The following KPNA7 variants were observed in gnomAD, a reference collection of about 807,000 sequenced individuals.
The protein encoded by KPNA7 is importin subunit alpha-8.
Under a neutral mutation model 53.7 loss-of-function variants are expected in KPNA7, and 54 were observed. The ratio of observed to expected loss-of-function variants is 1.01; its 90% CI spans 0.81 to 1.26. The LOEUF (loss-of-function observed/expected upper bound fraction) is 1.26, where lower values mean the gene tolerates loss of function less well. Ranked by LOEUF, KPNA7 falls within the 50% of genes most tolerant of loss-of-function variation. KPNA7 has a pLI of 0.00. For missense variants in KPNA7, 640 were observed against 644.5 expected (o/e 0.99, Z 0.07); for synonymous variants, 276 against 259.3 (o/e 1.06, Z -0.62).
the KPNA7 span, among the ~76,000 whole-genome samples, chr7:99,152,597 A>G: frequency 6.6e-6 from 1 of 152,188 alleles, no homozygotes; most frequent in Non-Finnish European, 1.5e-5. Context: ...AACAGTGGTT[A>G]ATTCAGGAAC....
chr7:99,210,120 T>C (rs1791023305), upstream of KPNA7, among the ~76,000 whole-genome samples: 1 of 152,204 alleles, frequency 6.6e-6, no homozygotes, highest in African/African-American at 2.4e-5. Context: ...CTTTCTGCAC[T>C]GGCCCCAGCC....
chr7:99,219,374 G>A (rs1364015133), intron 1 of KPNA7, among the ~76,000 whole-genome samples: 1 of 152,180 alleles, frequency 6.6e-6, no homozygotes, highest in Non-Finnish European at 1.5e-5. Context: ...AACTTGCACA[G>A]AAGGCTTAAA....
At chr7:99,211,094 G>A (rs77711452), upstream of KPNA7, among the ~76,000 whole-genome samples, 1 of 152,164 alleles carries the variant, frequency 6.6e-6, no homozygotes, top group Admixed American at 6.6e-5. Context: ...TTTGAAAGGG[G>A]CAGTGCAGAC....
intron 2 of KPNA7, 55 bp downstream of exon 2, chr7:99,207,346 T>G: frequency 6.7e-7 from 1 of 1,490,384 alleles, no homozygotes; most frequent in Non-Finnish European, 9.2e-7. Flanking sequence ...TCACCCCGCT[T>G]TTTATGCAGA....
chr7:99,186,919 G>A (rs73147655), intron 7 of KPNA7, among the ~76,000 whole-genome samples: 6,572 of 152,174 alleles, frequency 0.043, 174 homozygotes, highest in Middle Eastern at 0.061. Flanking sequence ...TAAAGAGCAG[G>A]CAGCATAGAG....
At chr7:99,199,885 A>G (rs1790421751) in intron 3 of KPNA7, among the ~76,000 whole-genome samples, 1 of 152,166 alleles carries the variant, frequency 6.6e-6, no homozygotes, top group South Asian at 2.1e-4. Flanking sequence ...TCAATAAAAA[A>G]TAATTTATTT....
At chr7:99,213,130 ATTTT>A (rs71108433) in intron 1 of KPNA7, among the ~76,000 whole-genome samples, 1 of 141,096 alleles carries the variant, frequency 7.1e-6, no homozygotes, top group Admixed American at 7.2e-5. Context: ...GCCAAAAGGG[ATTTT>A]TTTTTTTTTT....
chr7:99,183,246 C>T (rs182509163), intron 8 of KPNA7, among the ~76,000 whole-genome samples: 3 of 150,462 alleles, frequency 2.0e-5, no homozygotes, highest in African/African-American at 4.9e-5. Context: ...AGCGAGACTC[C>T]ATCTCCAATA....
At position 99,201,058 on chromosome 7, in the gene KPNA7, C is replaced by A. The variant is rs369891825; in HGVS notation, c.201+2048G>T. ...AGGAATGAAGTATTGATATATGCTA[C>A]AACATGGATGAACTTTGAAAACATA... On this transcript the variant is annotated intron_variant, in intron 3 of 10. Transcript: ENST00000327442. Among the ~76,000 whole-genome samples the A allele has an allele frequency of 7.0e-4, 106 of 152,318 alleles. 1 individual carries two copies. The highest frequency in any genetic ancestry group is 2.4e-3 in the African/African-American group (100 of 41,568).
the KPNA7 span, among the ~76,000 whole-genome samples, chr7:99,152,047 G>A: frequency 6.6e-6 from 1 of 152,114 alleles, no homozygotes; most frequent in Admixed American, 6.6e-5. Flanking sequence ...AGCCGGGCAT[G>A]GTGGCACACG....
chr7:99,158,458 ATCC>A, the KPNA7 span, among the ~76,000 whole-genome samples: 1 of 151,922 alleles, frequency 6.6e-6, no homozygotes, highest in Non-Finnish European at 1.5e-5. Context: ...TATGGGAAAT[ATCC>A]TCAATTTCAT....
intron 9 of KPNA7, among the ~76,000 whole-genome samples, chr7:99,180,893 CT>C (rs1799184907): frequency 8.8e-6 from 1 of 113,744 alleles, no homozygotes; most frequent in Non-Finnish European, 1.7e-5. Context: ...GTGTCTCTCT[CT>C]CTCCCCATCT....
At chr7:99,185,601 G>T (rs773403547) in intron 7 of KPNA7, among the ~76,000 whole-genome samples, 5 of 152,102 alleles carry the variant, frequency 3.3e-5, no homozygotes, top group Non-Finnish European at 5.9e-5. Flanking sequence ...AAAGTGCTGG[G>T]ATTACAATCA....
At chr7:99,161,494 C>A in the KPNA7 span, among the ~76,000 whole-genome samples, 102,067 of 152,014 alleles carry the variant, frequency 0.67, 35,431 homozygotes, top group East Asian at 0.9. Flanking sequence ...TCATAAAAGA[C>A]CTTGAGAGCC....
chr7:99,176,578 T>C (rs1041134862), intron 10 of KPNA7, among the ~76,000 whole-genome samples: 2 of 152,084 alleles, frequency 1.3e-5, no homozygotes, highest in East Asian at 3.9e-4. Flanking sequence ...TCTAGGTATA[T>C]ACTCCAAAGA....
chr7:99,180,555 C>CTCTGTCTGTCTCTG lies in KPNA7; in HGVS notation c.1317+1327_1317+1328insCAGAGACAGACAGA, dbSNP rs56053514. On this transcript the variant is annotated intron_variant, in intron 9 of 10. Coordinates refer to ENST00000327442, the MANE Select transcript of KPNA7 (RefSeq NM_001145715.3). ...TCTGTCTCCGTCTGTCTCCGTCTGT[C>CTCTGTCTGTCTCTG]TCTGTCTCTGTCCATCTGTCTCTGT... is the stretch of plus-strand genomic sequence containing the variant. Among the ~76,000 whole-genome samples the CTCTGTCTGTCTCTG allele has an allele frequency of 1.3e-3, 185 of 141,632 alleles. 3 individuals are homozygous for CTCTGTCTGTCTCTG. Among genetic ancestry groups the CTCTGTCTGTCTCTG allele is most frequent in the Admixed American group, 1.7e-3 (24 of 14,310 alleles). The allele number at this position is 141,632 out of a possible 152,430, so 92.9% of individuals were successfully genotyped here. A position where few individuals can be genotyped will look rare whatever the true frequency, so the allele number is the denominator to read the frequency against.
intron 6 of KPNA7, among the ~76,000 whole-genome samples, chr7:99,190,686 C>T (rs181283560): frequency 7.3e-5 from 11 of 150,274 alleles, no homozygotes; most frequent in Admixed American, 6.6e-4. Flanking sequence ...GACAGGGTCT[C>T]ACTCCATCAC....
chr7:99,154,493 C>T, the KPNA7 span, among the ~76,000 whole-genome samples: 2 of 151,172 alleles, frequency 1.3e-5, no homozygotes, highest in African/African-American at 4.9e-5. Context: ...ATTTATCAGA[C>T]TTTCACTGTA....
At chr7:99,177,258 G>C (rs1332494760) in intron 10 of KPNA7, among the ~76,000 whole-genome samples, 2 of 152,132 alleles carry the variant, frequency 1.3e-5, no homozygotes, top group African/African-American at 4.8e-5. Context: ...TAACGGGTAG[G>C]GAGTTTCAGT....
Sources: gnomAD v4.1 joint callset for allele counts (sites outside exome capture counted in the v4.1 genomes callset) on GRCh38, gnomAD v4.1.1 for gene constraint, MANE v1.5 for transcripts, NCBI Gene and HGNC (gene_info 2026-07-23, HGNC 2026-07-21) for gene names.